MAP3K13: variants seen among roughly 807,000 people sequenced by gnomAD.
The protein encoded by MAP3K13 is mitogen-activated protein kinase kinase kinase 13.
A neutral mutation model predicts 104.0 loss-of-function variants in MAP3K13; 52 were observed. That is an observed-to-expected ratio of 0.50 (90% CI 0.40 to 0.63). The LOEUF is 0.63. MAP3K13 is among the 20% of genes least tolerant of loss of function. The pLI is 0.00. For synonymous variants in MAP3K13, 394 were observed against 442.2 expected, an observed-to-expected ratio of 0.89 and a Z score of 1.37; for missense variants, 914 against 1,218.5, an observed-to-expected ratio of 0.75 and a Z score of 3.72.
chr3:185,334,511 A>G (rs1400424964), intron 2 of MAP3K13, among the ~76,000 whole-genome samples: 1 of 152,216 alleles, frequency 6.6e-6, no homozygotes. Flanking sequence ...AGATTCACAC[A>G]TATAAGGTCA....
At position 185,450,120 on chromosome 3, in the gene MAP3K13, T is replaced by G; in HGVS notation, c.1169+62T>G. ...TAATGTGTATTTGGAGTAAATATCC[T>G]GGTGGTGGAAAGAATAGGAGCTTTG... On this transcript the variant is annotated intron_variant, in intron 6 of 13. Transcript: ENST00000265026. The surrounding 1 kb of genome is among the most constrained non-coding windows in gnomAD (Gnocchi z 4.2). The G allele has an allele frequency of 7.0e-7, 1 of 1,436,578 alleles. No individual in the cohort carries two copies. Among genetic ancestry groups the G allele is most frequent in the Non-Finnish European group, 9.3e-7 (1 of 1,076,914 alleles). The allele number at this position is 1,436,578 out of a possible 1,614,324, so 89.0% of individuals were successfully genotyped here.
chr3:185,390,675 G>C (rs4687293), intron 1 of MAP3K13, among the ~76,000 whole-genome samples: 34,071 of 146,114 alleles, frequency 0.23, 4,331 homozygotes, highest in African/African-American at 0.34. Flanking sequence ...CCAGGCTGGA[G>C]TGCAGTGGCA....
chr3:185,459,245 C>A lies in MAP3K13; in HGVS notation c.1279-4305C>A, dbSNP rs1441600177. On this transcript the variant is annotated intron_variant, in intron 7 of 13. Transcript: ENST00000265026. ...TGGACACTCACATCAGGAGAGGAGT[C>A]GTGTGCCCAGAAAGGGTTGGACTGG... Among the ~76,000 whole-genome samples the A allele has an allele frequency of 3.9e-5, 6 of 152,060 alleles. 1 individual carries two copies. The highest frequency in any genetic ancestry group is 8.8e-5 in the Non-Finnish European group (6 of 68,016).
At chr3:185,326,536 A>G (rs1035643199) in intron 2 of MAP3K13, among the ~76,000 whole-genome samples, 4 of 152,198 alleles carry the variant, frequency 2.6e-5, no homozygotes, top group Non-Finnish European at 5.9e-5. Flanking sequence ...ACTACTTTGT[A>G]TGAGCTACAT....
intron 2 of MAP3K13, among the ~76,000 whole-genome samples, chr3:185,354,879 A>G (rs1655626006): frequency 6.6e-6 from 1 of 152,176 alleles, no homozygotes; most frequent in Non-Finnish European, 1.5e-5. Context: ...TCATTGGATG[A>G]TGAAAAACAG....
chr3:185,412,994 T>C (rs1030993176), intron 1 of MAP3K13, among the ~76,000 whole-genome samples: 1 of 152,234 alleles, frequency 6.6e-6, no homozygotes, highest in Non-Finnish European at 1.5e-5. Flanking sequence ...TTTCATTTTT[T>C]AGATTCTCCA....
In MAP3K13 at chr3:185,484,506, T is replaced by G. The variant is rs1211432170; in HGVS notation, c.*2050T>G. On this transcript the variant is annotated 3_prime_UTR_variant, in exon 14 of 14. Transcript: ENST00000265026. ...ACCATTTCCAATGCACATGAAAATG[T>G]TGCCGCTCCTCTGGGTTTTACTGAT... 6.6e-6 allele frequency: 1 copy of G among 152,168 alleles called. No individual in the cohort carries two copies. The highest frequency in any genetic ancestry group is 1.5e-5 in the Non-Finnish European group (1 of 68,026). 9.4% of individuals were successfully genotyped at this position (152,168 alleles called of 1,614,324 possible).
intron 2 of MAP3K13, among the ~76,000 whole-genome samples, chr3:185,345,563 A>G (rs1722891381): frequency 6.6e-6 from 1 of 152,072 alleles, no homozygotes; most frequent in African/African-American, 2.4e-5. Context: ...GTGGCATTAG[A>G]TTTTCATAGG....
rs1237277644 is a variant in MAP3K13 at position 185,483,707 on chromosome 3, A to ATTTATTTTTTTTTTTTTTTG, written c.*1251_*1252insTTTATTTTTTTTTTTTTTTG. ...ATTCAATAACTCATTCTATCTTAGAAGTTCTTTTTTTTTTTTTTTTTTTTG... is the reference window on the plus strand; with the variant it reads ...ATTCAATAACTCATTCTATCTTAGAATTTATTTTTTTTTTTTTTTGGTTCTTTTTTTTTTTTTTTTTTTTG... On this transcript the variant is annotated 3_prime_UTR_variant, in exon 14 of 14. Transcript: ENST00000265026. 2 of 6,702 alleles carry ATTTATTTTTTTTTTTTTTTG rather than the reference A, an allele frequency of 3.0e-4. No homozygotes were observed. Among genetic ancestry groups the ATTTATTTTTTTTTTTTTTTG allele is most frequent in the Non-Finnish European group, 6.6e-4 (2 of 3,014 alleles). 0.4% of individuals were successfully genotyped at this position (6,702 alleles called of 1,614,324 possible). A position where few individuals can be genotyped will look rare whatever the true frequency, so the allele number is the denominator to read the frequency against.
At position 185,420,192 on chromosome 3, in the gene MAP3K13, G is replaced by A. The variant is rs147271972; in HGVS notation, c.-85-8305G>A. The stretch of plus-strand genomic sequence containing the variant: ...GAAAAGAGGTAGGTCAGTGGATTTT[G>A]TCGATTTGAGTTTTTATTGTTCCTT... On this transcript the variant is annotated intron_variant, in intron 1 of 13. Transcript: ENST00000265026. Among the ~76,000 whole-genome samples the A allele has an allele frequency of 4.0e-3, 600 of 151,280 alleles. 5 individuals are homozygous for A. The highest frequency in any genetic ancestry group is 0.014 in the African/African-American group (568 of 40,632).
Position 185,442,246 on chromosome 3 carries a change from G to A in MAP3K13, c.660-1199G>A, listed in dbSNP as rs564575062. Among the ~76,000 whole-genome samples the A allele has an allele frequency of 4.6e-5, 7 of 151,586 alleles. No individual in the cohort carries two copies. The South Asian group carries it at 1.5e-3, about 32-fold the overall frequency. Reference sequence around the variant, plus strand: ...TCTTTTGTGATTCATAAGCATGACTGGGTGTTCCCACTCACGGGTGAGATG... The same window carrying A: ...TCTTTTGTGATTCATAAGCATGACTAGGTGTTCCCACTCACGGGTGAGATG... On this transcript the variant is annotated intron_variant, in intron 3 of 13. Coordinates refer to ENST00000265026, the MANE Select transcript of MAP3K13 (RefSeq NM_004721.5).
chr3:185,399,456 A>T (rs1003604082), intron 1 of MAP3K13, among the ~76,000 whole-genome samples: 36 of 151,408 alleles, frequency 2.4e-4, no homozygotes, highest in Non-Finnish European at 2.9e-5. Flanking sequence ...TACAAAAAAA[A>T]TTTTAGCCGG....
chr3:185,387,018 T>C lies in MAP3K13; in HGVS notation c.-86+23650T>C, dbSNP rs565253313. Among the ~76,000 whole-genome samples the C allele has an allele frequency of 3.3e-5, 5 of 152,260 alleles. No homozygotes were observed. The South Asian group carries it at 1.0e-3, about 32-fold the overall frequency. ...AACTACCATGGCACACATTTACCTA[T>C]GTAACAGACCTGCGCATCCTGCACA... On this transcript the variant is annotated intron_variant, in intron 1 of 13. Transcript: ENST00000265026.
At chr3:185,435,945 C>T (rs1715007040) in intron 2 of MAP3K13, among the ~76,000 whole-genome samples, 1 of 152,162 alleles carries the variant, frequency 6.6e-6, no homozygotes, top group Admixed American at 6.6e-5. Flanking sequence ...TCTGCAAACA[C>T]TGGCTTTTGA....
chr3:185,327,948 A>T (rs1230572752), intron 2 of MAP3K13, among the ~76,000 whole-genome samples: 1 of 139,282 alleles, frequency 7.2e-6, no homozygotes, highest in African/African-American at 2.6e-5. Context: ...AGGAAGCAGG[A>T]AGGAGGGAGG....
intron 1 of MAP3K13, among the ~76,000 whole-genome samples, chr3:185,406,981 CACA>C (rs1246796014): frequency 6.6e-6 from 1 of 152,014 alleles, no homozygotes; most frequent in Non-Finnish European, 1.5e-5. Flanking sequence ...GGTATATTCT[CACA>C]ACATTTTTAT....
At position 185,378,407 on chromosome 3, in the gene MAP3K13, A is replaced by G. The variant is rs188089746; in HGVS notation, c.-86+15039A>G. 8.5e-5 allele frequency among the ~76,000 whole-genome samples: 13 copies of G among 152,330 alleles called. No homozygotes were observed. In the East Asian group the frequency reaches 1.2e-3, roughly 14 times the overall value. On this transcript the variant is annotated intron_variant, in intron 1 of 13. Transcript: ENST00000265026. The stretch of plus-strand genomic sequence containing the variant: ...ACGCTATCTGATTTGGGATAAAGAA[A>G]AAAGAGCACTAACCTTGACTATGCC...
chr3:185,422,479 A>G (rs1369814215), intron 1 of MAP3K13, among the ~76,000 whole-genome samples: 2 of 152,194 alleles, frequency 1.3e-5, no homozygotes, highest in Non-Finnish European at 2.9e-5. Context: ...GCCAATGGGA[A>G]CAGGTCCACT....
At chr3:185,322,413 C>G (rs1443101315) in intron 2 of MAP3K13, among the ~76,000 whole-genome samples, 2 of 152,148 alleles carry the variant, frequency 1.3e-5, no homozygotes, top group Non-Finnish European at 2.9e-5. Flanking sequence ...TTTGATGGAA[C>G]CCTTTTTCCT....
Sources: allele counts gnomAD v4.1 joint callset (sites outside exome capture counted in the v4.1 genomes callset), GRCh38; gene constraint gnomAD v4.1.1; non-coding constraint Gnocchi (gnomAD v3.1); transcripts MANE v1.5; gene names NCBI Gene and HGNC (gene_info 2026-07-23, HGNC 2026-07-21).